The following SFMBT2 variants were observed in gnomAD, a reference collection of about 807,000 sequenced individuals.
SFMBT2 encodes the protein Scm like with four mbt domains 2.
In SFMBT2, 38 loss-of-function variants were observed where a neutral mutation model predicts 110.1. The observed-to-expected ratio is 0.35, with a 90% CI of 0.27 to 0.45. The LOEUF (loss-of-function observed/expected upper bound fraction) is 0.45. Ranked by LOEUF, SFMBT2 falls within the 20% of genes least tolerant of loss-of-function variation. The pLI is 1.00. For synonymous variants in SFMBT2, 425 were observed against 425.4 expected (o/e 1.00, Z 0.01); for missense variants, 1,011 against 1,094.9 (o/e 0.92, Z 1.08).
intron 9 of SFMBT2, among the ~76,000 whole-genome samples, chr10:7,235,434 T>C (rs1368391443): frequency 6.6e-6 from 1 of 152,012 alleles, no homozygotes; most frequent in Non-Finnish European, 1.5e-5. Flanking sequence ...AAATGCCTTA[T>C]CAGGAAAAAA....
At chr10:7,379,681 T>C (rs1845368748) in intron 2 of SFMBT2, among the ~76,000 whole-genome samples, 1 of 152,074 alleles carries the variant, frequency 6.6e-6, no homozygotes, top group South Asian at 2.1e-4. Flanking sequence ...AATGTTAAGA[T>C]CATTTAGAGC....
At chr10:7,263,820 C>T (rs918095633) in intron 7 of SFMBT2, among the ~76,000 whole-genome samples, 2 of 152,104 alleles carry the variant, frequency 1.3e-5, no homozygotes, top group Admixed American at 6.5e-5. Context: ...TAAGAGAAGC[C>T]CGCGTCTTCC....
At position 7,367,487 on chromosome 10, in the gene SFMBT2, CT is replaced by C. The variant is rs1187242877; in HGVS notation, c.436+161del. On this transcript the variant is annotated intron_variant, in intron 4 of 20. Transcript: ENST00000397167. This position sits in a 1 kb window ranked among gnomAD's most constrained non-coding sequence, Gnocchi z 6.2. ...GACATCTGAAAATGCACTGATCTCC[CT>C]CCAGCTAAGGAAACCTGAGAAACCA... Among the ~76,000 whole-genome samples the C allele has an allele frequency of 1.3e-5, 2 of 152,202 alleles. No homozygotes were observed. Among genetic ancestry groups the C allele is most frequent in the African/African-American group, 2.4e-5 (1 of 41,446 alleles).
At chr10:7,323,001 G>C (rs1192572174) in intron 4 of SFMBT2, among the ~76,000 whole-genome samples, 3 of 152,124 alleles carry the variant, frequency 2.0e-5, no homozygotes, top group African/African-American at 4.8e-5. Context: ...ATGTGCAAAA[G>C]ACAACCTAAA....
At chr10:7,321,947 G>C (rs1843203102) in intron 4 of SFMBT2, among the ~76,000 whole-genome samples, 1 of 152,030 alleles carries the variant, frequency 6.6e-6, no homozygotes, top group Non-Finnish European at 1.5e-5. Flanking sequence ...GGTTTTTTTA[G>C]GGAACTTGAC....
At chr10:7,375,559 G>A (rs1458730869) in intron 2 of SFMBT2, among the ~76,000 whole-genome samples, 1 of 152,022 alleles carries the variant, frequency 6.6e-6, no homozygotes, top group African/African-American at 2.4e-5. Flanking sequence ...TTAGAAATTA[G>A]TTCCACCATG....
In SFMBT2 at chr10:7,160,974, C is replaced by T. The variant is rs1465709306; in HGVS notation, c.*2796G>A. The T allele has an allele frequency of 1.3e-5, 2 of 152,230 alleles. No individual in the cohort carries two copies. The highest frequency in any genetic ancestry group is 6.5e-5 in the Admixed American group (1 of 15,282). The allele number at this position is 152,230 out of a possible 1,614,324, so 9.4% of individuals were successfully genotyped here. ...CACAGAGACAACTTTCATGGCGACG[C>T]CAGGCTGCGCCCTCCTGTGCAGTGG... On this transcript the variant is annotated 3_prime_UTR_variant, in exon 21 of 21. Coordinates refer to ENST00000397167, the MANE Select transcript of SFMBT2 (RefSeq NM_001387889.1).
intron 13 of SFMBT2, among the ~76,000 whole-genome samples, chr10:7,201,443 T>C (rs1741305473): frequency 6.6e-6 from 1 of 152,170 alleles, no homozygotes; most frequent in African/African-American, 2.4e-5. Context: ...ACAGGCGTGT[T>C]ATGAAATCTC....
At chr10:7,314,915 G>C (rs1842942677) in intron 4 of SFMBT2, among the ~76,000 whole-genome samples, 2 of 148,262 alleles carry the variant, frequency 1.3e-5, no homozygotes, top group South Asian at 2.1e-4. Context: ...GAAAGAGAAA[G>C]AGAAACAGAA....
intron 2 of SFMBT2, among the ~76,000 whole-genome samples, chr10:7,371,564 T>C (rs1336532459): frequency 1.3e-5 from 2 of 152,230 alleles, no homozygotes; most frequent in African/African-American, 4.8e-5. Flanking sequence ...TTTTAACATA[T>C]ACACGGCATA....
At chr10:7,271,236 C>G (rs902470498) in intron 7 of SFMBT2, among the ~76,000 whole-genome samples, 6 of 136,378 alleles carry the variant, frequency 4.4e-5, no homozygotes, top group African/African-American at 1.7e-4. Context: ...TGCAGGGGGC[C>G]AAGCTGAGAT....
intron 12 of SFMBT2, chr10:7,204,527 A>C: frequency 1.3e-5 from 9 of 712,466 alleles, no homozygotes; most frequent in Non-Finnish European, 1.5e-5. Context: ...ATGATTTATT[A>C]GGTTAGAAGA....
At chr10:7,400,238 G>A (rs527549001) in intron 1 of SFMBT2, among the ~76,000 whole-genome samples, 1 of 152,352 alleles carries the variant, frequency 6.6e-6, no homozygotes, top group African/African-American at 2.4e-5. Context: ...GAGGGAGGAA[G>A]AGGGAAAGAG....
intron 4 of SFMBT2, among the ~76,000 whole-genome samples, chr10:7,349,757 C>T (rs1332999212): frequency 6.6e-6 from 1 of 152,018 alleles, no homozygotes; most frequent in African/African-American, 2.4e-5. Flanking sequence ...CCGTGCCCGG[C>T]CCTCAATCCC....
intron 4 of SFMBT2, among the ~76,000 whole-genome samples, chr10:7,322,361 C>T (rs146831712): frequency 0.011 from 1,660 of 152,190 alleles, 20 homozygotes; most frequent in African/African-American, 0.036. Context: ...TAAATTACCC[C>T]GTCTTGGATA....
chr10:7,373,986 G>GGGCGCAGT (rs1328408826), intron 2 of SFMBT2, among the ~76,000 whole-genome samples: 1 of 152,130 alleles, frequency 6.6e-6, no homozygotes, highest in African/African-American at 2.4e-5. Context: ...AATCGAGGCT[G>GGGCGCAGT]GGCGCAGTGG....
intron 4 of SFMBT2, among the ~76,000 whole-genome samples, chr10:7,289,154 A>C (rs1356592142): frequency 1.2e-4 from 18 of 152,182 alleles, no homozygotes; most frequent in Non-Finnish European, 1.5e-5. Context: ...TATGAAAATG[A>C]CTCACATAAG....
In SFMBT2 at chr10:7,209,170, C is replaced by T. The variant is rs554567694; in HGVS notation, c.1331-3242G>A. On this transcript the variant is annotated intron_variant, in intron 11 of 20. Transcript: ENST00000397167. ...TAATTATTTTCCAAGACAGGAGACC[C>T]AATAGCATGCAAAATAATCTATTAA... Among the ~76,000 whole-genome samples the T allele has an allele frequency of 5.9e-5, 9 of 152,282 alleles. No homozygotes were observed. The East Asian group carries it at 1.7e-3, about 29-fold the overall frequency.
intron 8 of SFMBT2, among the ~76,000 whole-genome samples, chr10:7,244,348 T>C (rs1444786096): frequency 1.3e-5 from 2 of 152,228 alleles, no homozygotes; most frequent in Non-Finnish European, 2.9e-5. Flanking sequence ...TCTGCGCTCC[T>C]AAAATTTCAG....
Sources: gnomAD v4.1 joint callset for allele counts (sites outside exome capture counted in the v4.1 genomes callset) on GRCh38, gnomAD v4.1.1 for gene constraint, Gnocchi (gnomAD v3.1) non-coding constraint, MANE v1.5 for transcripts, NCBI Gene and HGNC (gene_info 2026-07-23, HGNC 2026-07-21) for gene names.